Variants in ZFAT observed in about 807,000 individuals in gnomAD.
The protein encoded by ZFAT is zinc finger protein ZFAT.
ZFAT carries 64 observed loss-of-function variants against 117.7 expected under a neutral mutation model. The observed-to-expected ratio is 0.54, with a 90% CI of 0.44 to 0.67. The LOEUF is 0.67. Ranked by LOEUF, ZFAT falls within the 30% of genes least tolerant of loss-of-function variation. The pLI, the probability that ZFAT is intolerant of heterozygous loss-of-function variation, is 0.00. For missense variants in ZFAT, 1,433 were observed against 1,584.5 expected, an observed-to-expected ratio of 0.90 and a Z score of 1.62; for synonymous variants, 679 against 615.0, an observed-to-expected ratio of 1.10 and a Z score of -1.54.
At chr8:134,524,715 G>A (rs1820901651) in intron 12 of ZFAT, among the ~76,000 whole-genome samples, 1 of 152,154 alleles carries the variant, frequency 6.6e-6, no homozygotes, top group Non-Finnish European at 1.5e-5. Flanking sequence ...GAGAAGCCCT[G>A]CCTCACACCA....
the ZFAT span, chr8:134,800,418 T>C: frequency 9.5e-6 from 4 of 421,842 alleles, no homozygotes; most frequent in Non-Finnish European, 1.9e-5. Flanking sequence ...CAAAATGGTC[T>C]CACATTTCCA....
chr8:134,782,750 C>G, the ZFAT span, among the ~76,000 whole-genome samples: 2 of 152,032 alleles, frequency 1.3e-5, no homozygotes, highest in Non-Finnish European at 2.9e-5. Context: ...TGAGGCCTCC[C>G]CAGCCACGTG....
intron 15 of ZFAT, among the ~76,000 whole-genome samples, chr8:134,503,049 G>A (rs1819113067): frequency 6.6e-6 from 1 of 152,228 alleles, no homozygotes; most frequent in African/African-American, 2.4e-5. Flanking sequence ...CAGGGGAAAT[G>A]CCTGATGTGG....
the ZFAT span, among the ~76,000 whole-genome samples, chr8:134,780,117 C>T: frequency 6.6e-6 from 1 of 152,198 alleles, no homozygotes; most frequent in African/African-American, 2.4e-5. Flanking sequence ...TGTTACATTA[C>T]AGGCTTTACC....
At chr8:134,583,149 C>T (rs569973447) in intron 10 of ZFAT, among the ~76,000 whole-genome samples, 29 of 152,118 alleles carry the variant, frequency 1.9e-4, no homozygotes, top group Middle Eastern at 3.4e-3. Context: ...CCAGGGCTCC[C>T]GAGCTCCCCT....
chr8:134,792,367 G>A, the ZFAT span: 27 of 152,128 alleles, frequency 1.8e-4, no homozygotes, highest in African/African-American at 6.3e-4. Flanking sequence ...GTAGAGACTT[G>A]TCTTCTTGTG....
the ZFAT span, among the ~76,000 whole-genome samples, chr8:134,807,734 AAC>A: frequency 2.6e-5 from 4 of 151,910 alleles, no homozygotes; most frequent in Non-Finnish European, 5.9e-5. Flanking sequence ...AAAAACAAAA[AAC>A]ACAGATACTC....
the ZFAT span, among the ~76,000 whole-genome samples, chr8:134,739,630 CT>C: frequency 6.6e-6 from 1 of 152,172 alleles, no homozygotes; most frequent in African/African-American, 2.4e-5. Context: ...AGGATATAGC[CT>C]TTGCCCTTAA....
rs376818961 is a variant in ZFAT at position 134,565,286 on chromosome 8, C to T, written c.2976+47G>A. 240 of 1,609,990 alleles carry T rather than the reference C, an allele frequency of 1.5e-4. 1 individual carries two copies. In the Middle Eastern group the frequency reaches 6.3e-3, roughly 42 times the overall value. Reference sequence around the variant, plus strand: ...TCTCCATCTTCACTTTGAAAAGCAACGCCTTTTTTGTCTGAACATCTGCCT... The same window carrying T: ...TCTCCATCTTCACTTTGAAAAGCAATGCCTTTTTTGTCTGAACATCTGCCT... On this transcript the variant is annotated intron_variant, in intron 11 of 15. Coordinates refer to ENST00000377838, the MANE Select transcript of ZFAT (RefSeq NM_020863.4).
the ZFAT span, among the ~76,000 whole-genome samples, chr8:134,736,966 C>A: frequency 6.6e-6 from 1 of 151,876 alleles, no homozygotes; most frequent in Non-Finnish European, 1.5e-5. Context: ...GCTGTTAGAC[C>A]AACTTTTGTT....
intron 1 of ZFAT, among the ~76,000 whole-genome samples, chr8:134,677,932 T>C (rs1040190096): frequency 4.6e-5 from 7 of 152,192 alleles, no homozygotes; most frequent in South Asian, 2.1e-4. Context: ...AAACTAGGTA[T>C]TGATGGAACG....
chr8:134,568,006 G>C (rs1824599447), intron 10 of ZFAT, among the ~76,000 whole-genome samples: 1 of 152,194 alleles, frequency 6.6e-6, no homozygotes, highest in African/African-American at 2.4e-5. Flanking sequence ...GCTGCCTTCA[G>C]CTGCCCATGG....
chr8:134,771,843 A>G, the ZFAT span, among the ~76,000 whole-genome samples: 1 of 152,234 alleles, frequency 6.6e-6, no homozygotes, highest in Non-Finnish European at 1.5e-5. Context: ...TTACAGTTCC[A>G]CATGGCTGGG....
upstream of ZFAT, among the ~76,000 whole-genome samples, chr8:134,714,203 G>C (rs538183160): frequency 6.8e-6 from 1 of 147,400 alleles, no homozygotes; most frequent in South Asian, 2.1e-4. Flanking sequence ...TGAAATGCTA[G>C]TCTTTGCCTG....
intron 3 of ZFAT, among the ~76,000 whole-genome samples, chr8:134,624,194 A>G (rs984379023): frequency 2.6e-5 from 4 of 151,660 alleles, no homozygotes; most frequent in African/African-American, 7.3e-5. Flanking sequence ...ACACACACAC[A>G]CACACACACA....
intron 12 of ZFAT, among the ~76,000 whole-genome samples, chr8:134,526,360 A>G (rs1037905952): frequency 5.3e-5 from 8 of 152,254 alleles, no homozygotes; most frequent in African/African-American, 1.9e-4. Context: ...AATTGACATC[A>G]AAGCTGAGAG....
At chr8:134,624,499 T>C (rs1829358887) in intron 3 of ZFAT, among the ~76,000 whole-genome samples, 1 of 151,750 alleles carries the variant, frequency 6.6e-6, no homozygotes, top group Non-Finnish European at 1.5e-5. Context: ...CTACCAAAAA[T>C]ACAAAAAATT....
At chr8:134,663,295 G>A (rs755940958) in intron 1 of ZFAT, among the ~76,000 whole-genome samples, 1 of 152,162 alleles carries the variant, frequency 6.6e-6, no homozygotes, top group Non-Finnish European at 1.5e-5. Flanking sequence ...ATGGCACAGG[G>A]AAACGCTCCT....
intron 4 of ZFAT, among the ~76,000 whole-genome samples, chr8:134,610,099 G>A (rs1037431597): frequency 2.6e-5 from 4 of 152,196 alleles, no homozygotes; most frequent in Non-Finnish European, 2.9e-5. Context: ...TGAATGGGCT[G>A]GCCTCACATG....
Sources: gnomAD v4.1 joint callset for allele counts (sites outside exome capture counted in the v4.1 genomes callset) on GRCh38, gnomAD v4.1.1 for gene constraint, MANE v1.5 for transcripts, NCBI Gene and HGNC (gene_info 2026-07-23, HGNC 2026-07-21) for gene names.